Variants in CIROZ observed in about 807,000 individuals in gnomAD.
The protein encoded by CIROZ is ciliated left-right organizer ZP-N domains-containing protein.
At chr1:10,976,083 G>T in the CIROZ span, 4 of 1,293,950 alleles carry the variant, frequency 3.1e-6, no homozygotes, top group Non-Finnish European at 4.3e-6. Flanking sequence ...TCACCCAGCA[G>T]GTTGGTTCTC....
chr1:10,959,459 C>T, the CIROZ span, among the ~76,000 whole-genome samples: 1 of 152,244 alleles, frequency 6.6e-6, no homozygotes, highest in African/African-American at 2.4e-5. This position sits in a 1 kb window ranked among gnomAD's most constrained non-coding sequence, Gnocchi z 4.3. Flanking sequence ...CAGCCAGTGC[C>T]ACCCCACCCA....
the CIROZ span, chr1:10,976,366 C>T: frequency 5.0e-5 from 37 of 743,962 alleles, no homozygotes; most frequent in African/African-American, 2.5e-4. Flanking sequence ...GACGGAGTCT[C>T]GCTCCGTCAC....
chr1:10,972,238 C>T, the CIROZ span, among the ~76,000 whole-genome samples: 5 of 152,158 alleles, frequency 3.3e-5, no homozygotes, highest in Non-Finnish European at 7.3e-5. Context: ...TGATAGAGAG[C>T]TTAAGTTAAA....
the CIROZ span, chr1:10,948,811 G>A: frequency 1.3e-6 from 2 of 1,510,808 alleles, no homozygotes; most frequent in East Asian, 2.3e-5. Flanking sequence ...CTTCTCGCCG[G>A]TTTGGCTGTT....
the CIROZ span, chr1:10,954,193 C>T: frequency 2.1e-5 from 33 of 1,565,408 alleles, no homozygotes; most frequent in South Asian, 2.1e-4. Context: ...CAGTGGCTCA[C>T]GCCTGTAATC....
chr1:10,951,294 GT>G, the CIROZ span, among the ~76,000 whole-genome samples: 12 of 152,160 alleles, frequency 7.9e-5, no homozygotes, highest in African/African-American at 2.9e-4. Flanking sequence ...GCTGGGCATG[GT>G]GGCTCACGCC....
the CIROZ span, among the ~76,000 whole-genome samples, chr1:10,953,600 T>C: frequency 1.3e-5 from 2 of 152,370 alleles, no homozygotes; most frequent in South Asian, 4.1e-4. Context: ...ACAGCTCTTC[T>C]TGTGCCAGGC....
chr1:10,969,885 G>A, the CIROZ span: 89,766 of 1,434,828 alleles, frequency 0.063, 4,127 homozygotes, highest in East Asian at 0.27. Flanking sequence ...ACCTGCAAGA[G>A]CCATGGGGGA....
chr1:10,975,769 G>T, the CIROZ span, among the ~76,000 whole-genome samples: 1 of 151,988 alleles, frequency 6.6e-6, no homozygotes, highest in Non-Finnish European at 1.5e-5. Context: ...ATTGCTATGG[G>T]ACCTTAGACA....
At chr1:10,946,898 A>AGACATC in the CIROZ span, among the ~76,000 whole-genome samples, 1 of 152,308 alleles carries the variant, frequency 6.6e-6, no homozygotes. Flanking sequence ...CATCACCAAC[A>AGACATC]ACCCCCAGAG....
chr1:10,949,668 G>A, the CIROZ span: 1 of 1,607,286 alleles, frequency 6.2e-7, no homozygotes, highest in Non-Finnish European at 8.5e-7. Context: ...TCCCGAGAAA[G>A]CCATTCCTGG....
the CIROZ span, among the ~76,000 whole-genome samples, chr1:10,961,806 A>C: frequency 6.6e-6 from 1 of 151,988 alleles, no homozygotes; most frequent in African/African-American, 2.4e-5. Context: ...TATTTTAAAA[A>C]TCAACTGGCT....
the CIROZ span, chr1:10,948,899 G>T: frequency 1.4e-6 from 2 of 1,432,892 alleles, no homozygotes; most frequent in Non-Finnish European, 1.8e-6. Flanking sequence ...GAACACATGG[G>T]CTCCGGCTGC....
At chr1:10,963,220 C>G in the CIROZ span, among the ~76,000 whole-genome samples, 1 of 152,076 alleles carries the variant, frequency 6.6e-6, no homozygotes. Context: ...GAAACTCCAT[C>G]TCTACTAAAA....
chr1:10,947,625 G>T, the CIROZ span: 1 of 1,408,600 alleles, frequency 7.1e-7, no homozygotes, highest in Non-Finnish European at 9.3e-7. Context: ...ACCTCCCCAG[G>T]GTGCACCCAG....
chr1:10,958,054 A>G, the CIROZ span, among the ~76,000 whole-genome samples: 6 of 152,332 alleles, frequency 3.9e-5, no homozygotes, highest in South Asian at 4.1e-4. Context: ...GTCGGCCCCT[A>G]TGCCGCCCTG....
chr1:10,950,764 G>A, the CIROZ span, among the ~76,000 whole-genome samples: 1 of 152,164 alleles, frequency 6.6e-6, no homozygotes, highest in African/African-American at 2.4e-5. Flanking sequence ...CTGGCCCAAG[G>A]GTCAAATACA....
At chr1:10,971,912 T>C in the CIROZ span, among the ~76,000 whole-genome samples, 1 of 152,174 alleles carries the variant, frequency 6.6e-6, no homozygotes, top group East Asian at 1.9e-4. Context: ...AGCTGGAGAA[T>C]AAGAGAAGCC....
At chr1:10,955,066 G>A in the CIROZ span, 28 of 1,613,940 alleles carry the variant, frequency 1.7e-5, no homozygotes, top group Non-Finnish European at 2.3e-5. Flanking sequence ...AAAGATGTTG[G>A]ACTGGTGGAC....
Sources: allele counts gnomAD v4.1 joint callset (sites outside exome capture counted in the v4.1 genomes callset), GRCh38; gene constraint gnomAD v4.1.1; non-coding constraint Gnocchi (gnomAD v3.1); transcripts MANE v1.5; gene names NCBI Gene and HGNC (gene_info 2026-07-23, HGNC 2026-07-21).